The following FHIT variants were observed in gnomAD, a reference collection of about 807,000 sequenced individuals.
FHIT encodes bis(5'-adenosyl)-triphosphatase.
FHIT carries 19 observed loss-of-function variants against 17.9 expected under a neutral mutation model. The observed-to-expected ratio is 1.06, with a 90% CI of 0.74 to 1.56. The LOEUF is 1.56. FHIT is among the 40% of genes most tolerant of loss of function. The pLI is 0.00. For missense variants in FHIT, 248 were observed against 189.2 expected (o/e 1.31, Z -1.82); for synonymous variants, 81 against 69.7 (o/e 1.16, Z -0.81).
intron 1 of FHIT, among the ~76,000 whole-genome samples, chr3:61,208,459 G>A (rs1256038999): frequency 1.3e-5 from 2 of 152,148 alleles, no homozygotes; most frequent in East Asian, 1.9e-4. Flanking sequence ...AAGTCTCTTT[G>A]TAGGTCACTC....
At chr3:60,245,003 T>C (rs1041595862) in intron 5 of FHIT, among the ~76,000 whole-genome samples, 2 of 152,022 alleles carry the variant, frequency 1.3e-5, no homozygotes, top group Non-Finnish European at 2.9e-5. Flanking sequence ...TATTAAGTAA[T>C]TCAAAATTGT....
chr3:61,234,498 T>G (rs990501153), intron 1 of FHIT, among the ~76,000 whole-genome samples: 1 of 152,184 alleles, frequency 6.6e-6, no homozygotes, highest in African/African-American at 2.4e-5. Context: ...ATGTAAAGTA[T>G]TATCCAAATT....
At chr3:61,177,396 C>A (rs543010454) in intron 2 of FHIT, among the ~76,000 whole-genome samples, 1 of 151,890 alleles carries the variant, frequency 6.6e-6, no homozygotes, top group African/African-American at 2.4e-5. Flanking sequence ...CTCTCCACTG[C>A]GCAAGTTTTC....
At chr3:61,187,273 CAT>C (rs1161498963) in intron 2 of FHIT, among the ~76,000 whole-genome samples, 1 of 152,128 alleles carries the variant, frequency 6.6e-6, no homozygotes, top group Non-Finnish European at 1.5e-5. Flanking sequence ...AAGACAAGAA[CAT>C]AGACACAGCA....
At chr3:59,834,376 GAC>G (rs1701267741) in intron 8 of FHIT, among the ~76,000 whole-genome samples, 1 of 152,178 alleles carries the variant, frequency 6.6e-6, no homozygotes, top group Non-Finnish European at 1.5e-5. Flanking sequence ...TAAATAGACA[GAC>G]AGACAGATAG....
At chr3:60,232,910 T>C (rs1389374565) in intron 5 of FHIT, among the ~76,000 whole-genome samples, 2 of 152,164 alleles carry the variant, frequency 1.3e-5, no homozygotes, top group African/African-American at 2.4e-5. Context: ...GGAAATACTG[T>C]CAACTTTTAG....
At chr3:60,878,350 C>G (rs1704769965) in intron 3 of FHIT, among the ~76,000 whole-genome samples, 1 of 152,052 alleles carries the variant, frequency 6.6e-6, no homozygotes. Context: ...GAACTCAAAG[C>G]AATGGAACTG....
intron 8 of FHIT, among the ~76,000 whole-genome samples, chr3:59,774,437 G>A (rs866943386): frequency 5.9e-5 from 9 of 152,148 alleles, no homozygotes; most frequent in African/African-American, 1.9e-4. Context: ...TGTGAGGTTC[G>A]GCAAGTTACC....
At chr3:59,807,750 T>C (rs1700258236) in intron 8 of FHIT, among the ~76,000 whole-genome samples, 1 of 152,014 alleles carries the variant, frequency 6.6e-6, no homozygotes, top group African/African-American at 2.4e-5. Flanking sequence ...TGAGTAGTCA[T>C]GAGAAGTGGA....
intron 5 of FHIT, among the ~76,000 whole-genome samples, chr3:60,073,883 C>T (rs760693093): frequency 3.9e-5 from 6 of 152,096 alleles, no homozygotes; most frequent in Non-Finnish European, 7.4e-5. Flanking sequence ...ACCAGATATA[C>T]GAAATAACCC....
chr3:61,023,168 C>T (rs1397305925), intron 3 of FHIT, among the ~76,000 whole-genome samples: 2 of 152,092 alleles, frequency 1.3e-5, no homozygotes, highest in Non-Finnish European at 2.9e-5. Context: ...AATCAATGTG[C>T]AAAAATCACA....
chr3:60,175,145 G>T (rs1208953796), intron 5 of FHIT, among the ~76,000 whole-genome samples: 2 of 151,986 alleles, frequency 1.3e-5, no homozygotes, highest in South Asian at 4.1e-4. Flanking sequence ...TGTTAATGCC[G>T]CATGTTAATA....
In FHIT at chr3:60,526,763, C is replaced by G. The variant is rs572112448; in HGVS notation, c.103+10097G>C. ...ATTGTACCTCCCTGCACTCCCAGATCATGACAGTACCTGTGTCAGCCTGCA... is the reference window on the plus strand; with the variant it reads ...ATTGTACCTCCCTGCACTCCCAGATGATGACAGTACCTGTGTCAGCCTGCA... On this transcript the variant is annotated intron_variant, in intron 5 of 9. Transcript: ENST00000492590. Among the ~76,000 whole-genome samples the G allele has an allele frequency of 2.6e-5, 4 of 152,234 alleles. No individual in the cohort carries two copies. In the East Asian group the frequency reaches 7.8e-4, roughly 30 times the overall value.
chr3:61,244,327 G>A (rs988082789), intron 1 of FHIT, among the ~76,000 whole-genome samples: 1 of 152,144 alleles, frequency 6.6e-6, no homozygotes, highest in African/African-American at 2.4e-5. Context: ...ATTACATAAT[G>A]AAGGAATAAA....
intron 4 of FHIT, among the ~76,000 whole-genome samples, chr3:60,710,290 A>T (rs1317568075): frequency 6.6e-6 from 1 of 152,166 alleles, no homozygotes; most frequent in Non-Finnish European, 1.5e-5. Context: ...CATTTGGAGG[A>T]GCCAAGATGT....
intron 5 of FHIT, among the ~76,000 whole-genome samples, chr3:60,121,858 T>C (rs1370744348): frequency 6.6e-6 from 1 of 152,106 alleles, no homozygotes; most frequent in East Asian, 1.9e-4. Flanking sequence ...CCTCCCTTTC[T>C]GAAACTCTAT....
At chr3:60,225,016 C>T (rs942951872) in intron 5 of FHIT, among the ~76,000 whole-genome samples, 5 of 152,110 alleles carry the variant, frequency 3.3e-5, no homozygotes, top group African/African-American at 1.2e-4. Flanking sequence ...CCACCACGCC[C>T]AGCCAGGATT....
intron 1 of FHIT, among the ~76,000 whole-genome samples, chr3:61,205,360 T>A (rs2039188721): frequency 6.6e-6 from 1 of 152,186 alleles, no homozygotes; most frequent in Non-Finnish European, 1.5e-5. Context: ...CTGAGTCAAA[T>A]GGTATATCTA....
intron 5 of FHIT, among the ~76,000 whole-genome samples, chr3:60,176,536 G>C (rs1355209091): frequency 6.6e-6 from 1 of 152,194 alleles, no homozygotes; most frequent in Non-Finnish European, 1.5e-5. Context: ...CTTTAAGGCT[G>C]TGTGATATAT....
Sources: allele counts gnomAD v4.1 joint callset (sites outside exome capture counted in the v4.1 genomes callset), GRCh38; gene constraint gnomAD v4.1.1; transcripts MANE v1.5; gene names NCBI Gene and HGNC (gene_info 2026-07-23, HGNC 2026-07-21).